The following TCF4 variants were observed in gnomAD, a reference collection of about 807,000 sequenced individuals.
TCF4 encodes transcription factor 4.
In TCF4, 3 loss-of-function variants were observed where a neutral mutation model predicts 82.1. The ratio of observed to expected loss-of-function variants is 0.04; its 90% CI spans 0.02 to 0.09. The LOEUF (loss-of-function observed/expected upper bound fraction) is 0.09. Ranked by LOEUF, TCF4 falls within the 10% of genes least tolerant of loss-of-function variation. The pLI, the probability that TCF4 is intolerant of heterozygous loss-of-function variation, is 1.00. For synonymous variants in TCF4, 276 were observed against 309.6 expected, an observed-to-expected ratio of 0.89 and a Z score of 1.14; for missense variants, 518 against 852.7, an observed-to-expected ratio of 0.61 and a Z score of 4.89.
At chr18:55,369,364 A>G (rs910898881) in intron 6 of TCF4, among the ~76,000 whole-genome samples, 1 of 152,148 alleles carries the variant, frequency 6.6e-6, no homozygotes, top group Admixed American at 6.6e-5. Flanking sequence ...ATAGAGACAC[A>G]CTCCTTGGAG....
At chr18:55,511,352 C>T (rs1452051836) in intron 3 of TCF4, among the ~76,000 whole-genome samples, 4 of 50,450 alleles carry the variant, frequency 7.9e-5, no homozygotes, top group Admixed American at 7.0e-4. Flanking sequence ...AAAAAAAAAG[C>T]ATTCTCTGCT....
chr18:55,587,550 A>T (rs2147889636), intron 1 of TCF4, among the ~76,000 whole-genome samples: 1 of 151,446 alleles, frequency 6.6e-6, no homozygotes, highest in African/African-American at 2.4e-5. Flanking sequence ...TCCGATCTCA[A>T]CTTTCCCCCC....
intron 3 of TCF4, among the ~76,000 whole-genome samples, chr18:55,538,608 A>G (rs1023156906): frequency 4.6e-5 from 7 of 152,198 alleles, no homozygotes; most frequent in Non-Finnish European, 1.0e-4. Context: ...GTTTCCCAGG[A>G]TACTGGACTT....
chr18:55,489,213 T>C (rs2096549893), intron 3 of TCF4, among the ~76,000 whole-genome samples: 1 of 152,184 alleles, frequency 6.6e-6, no homozygotes, highest in African/African-American at 2.4e-5. Context: ...TGGAGCACTG[T>C]TGAAAATACA....
intron 3 of TCF4, among the ~76,000 whole-genome samples, chr18:55,545,657 C>T (rs2097200070): frequency 6.6e-6 from 1 of 152,096 alleles, no homozygotes; most frequent in South Asian, 2.1e-4. Context: ...GCCATGTTGG[C>T]CAGGCTGGTC....
intron 8 of TCF4, among the ~76,000 whole-genome samples, chr18:55,311,412 C>T (rs2072391235): frequency 1.3e-5 from 2 of 152,216 alleles, no homozygotes; most frequent in South Asian, 4.1e-4. Context: ...GTAGCAAGCT[C>T]CTGCCTGACC....
chr18:55,385,445 C>T (rs967363761), intron 6 of TCF4, among the ~76,000 whole-genome samples: 5 of 152,184 alleles, frequency 3.3e-5, no homozygotes, highest in Non-Finnish European at 5.9e-5. Flanking sequence ...TCTTGTCACC[C>T]AGGCTGGAGT....
At chr18:55,481,830 G>A (rs1330930960) in intron 3 of TCF4, among the ~76,000 whole-genome samples, 1 of 152,152 alleles carries the variant, frequency 6.6e-6, no homozygotes, top group African/African-American at 2.4e-5. Flanking sequence ...TATGCCTAAT[G>A]ACTGCGATAC....
chr18:55,241,437 G>A (rs1306573139), intron 15 of TCF4, among the ~76,000 whole-genome samples: 1 of 152,212 alleles, frequency 6.6e-6, no homozygotes, highest in Non-Finnish European at 1.5e-5. Context: ...ATCCATCCTA[G>A]TGAACCAAAC....
At chr18:55,299,528 T>C (rs1057142281) in intron 8 of TCF4, among the ~76,000 whole-genome samples, 1 of 151,214 alleles carries the variant, frequency 6.6e-6, no homozygotes, top group Non-Finnish European at 1.5e-5. Flanking sequence ...CAGCATTTAC[T>C]CATGAGATAC....
At chr18:55,635,145 G>A (rs971029287) in intron 1 of TCF4, among the ~76,000 whole-genome samples, 4 of 152,172 alleles carry the variant, frequency 2.6e-5, no homozygotes, top group African/African-American at 9.6e-5. Flanking sequence ...ATGTTGATGG[G>A]AAAGGAGACA....
At chr18:55,460,145 C>T (rs2095845444) in intron 5 of TCF4, among the ~76,000 whole-genome samples, 1 of 152,048 alleles carries the variant, frequency 6.6e-6, no homozygotes, top group African/African-American at 2.4e-5. Flanking sequence ...TGTTGTCCAA[C>T]AGATTGTACC....
In TCF4 at chr18:55,257,337, T is replaced by A; in HGVS notation, c.1124A>T (p.Tyr375Phe). Residue 375 changes from tyrosine to phenylalanine, a missense_variant, in exon 14 of 20, where the codon TAT (tyrosine) becomes TTT (phenylalanine). Physicochemically the swap from Tyr to Phe is conservative, Grantham distance 22 (BLOSUM62 3). Around this residue, in one of 7 missense-constraint regions of TCF4, gnomAD observed 211 missense variants for 327.4 expected, o/e 0.64. Transcript: ENST00000354452. ...TACCAAAGAGTGTAAGGGTCCTTCATAATTAGGAGACGATGAGGCCTGTCC... is the reference window on the plus strand; with the variant it reads ...TACCAAAGAGTGTAAGGGTCCTTCAAAATTAGGAGACGATGAGGCCTGTCC... ...NGGQASSSPNYEGPLHSLQSR... is the reference protein window; with the variant it reads ...NGGQASSSPNFEGPLHSLQSR... 6.2e-7 allele frequency: 1 copy of A among 1,613,716 alleles called. No individual in the cohort carries two copies.
intron 3 of TCF4, among the ~76,000 whole-genome samples, chr18:55,535,664 T>C (rs564283226): frequency 6.6e-6 from 1 of 152,310 alleles, no homozygotes; most frequent in South Asian, 2.1e-4. Context: ...AATCATCTCC[T>C]TTTTGCCAAA....
At chr18:55,461,232 T>TCC (rs1342295539) in intron 4 of TCF4, 117 bp from the exon 5 acceptor site, 1 of 777,324 alleles carries the variant, frequency 1.3e-6, no homozygotes. Context: ...CACTATTCCC[T>TCC]CCCTGGAACT....
chr18:55,567,015 ACTT>A (rs1462303592), intron 3 of TCF4, among the ~76,000 whole-genome samples: 4 of 152,190 alleles, frequency 2.6e-5, no homozygotes, highest in Middle Eastern at 3.2e-3. Context: ...AAGATACTGA[ACTT>A]CTTATGAGCC....
At chr18:55,426,098 T>TA (rs2094967011) in intron 5 of TCF4, among the ~76,000 whole-genome samples, 3 of 124,976 alleles carry the variant, frequency 2.4e-5, no homozygotes, top group Non-Finnish European at 4.9e-5. Context: ...GACAAAAAAT[T>TA]TTATATATAT....
At chr18:55,533,594 T>C (rs1200766234) in intron 3 of TCF4, among the ~76,000 whole-genome samples, 1 of 152,230 alleles carries the variant, frequency 6.6e-6, no homozygotes, top group Non-Finnish European at 1.5e-5. Flanking sequence ...TAAGTTTTCC[T>C]AGACCTTCTC....
At chr18:55,392,588 CAG>C (rs1373224562) in intron 6 of TCF4, among the ~76,000 whole-genome samples, 4 of 151,976 alleles carry the variant, frequency 2.6e-5, no homozygotes, top group Non-Finnish European at 5.9e-5. Context: ...TGACTTTCAA[CAG>C]AGTCTTTCCT....
Sources: gnomAD v4.1 joint callset for allele counts (sites outside exome capture counted in the v4.1 genomes callset) on GRCh38, gnomAD v4.1.1 for gene constraint, gnomAD v4.1.1 regional missense constraint, MANE v1.5 for transcripts, NCBI Gene and HGNC (gene_info 2026-07-23, HGNC 2026-07-21) for gene names.